DCC: variants seen among roughly 807,000 people sequenced by gnomAD.
DCC encodes the protein netrin receptor DCC.
DCC carries 58 observed loss-of-function variants against 172.5 expected under a neutral mutation model. The ratio of observed to expected loss-of-function variants is 0.34; its 90% CI spans 0.27 to 0.42. The LOEUF (loss-of-function observed/expected upper bound fraction) is 0.42. DCC is among the 10% of genes least tolerant of loss of function. The probability of loss-of-function intolerance (pLI) is 1.00; values close to 1 mark genes in which losing one functional copy is unlikely to be tolerated. For missense variants in DCC, 1,740 were observed against 1,791.0 expected, an observed-to-expected ratio of 0.97 and a Z score of 0.51; for synonymous variants, 709 against 644.5, an observed-to-expected ratio of 1.10 and a Z score of -1.52.
chr18:52,618,701 C>A (rs537075821), intron 1 of DCC, among the ~76,000 whole-genome samples: 1 of 152,264 alleles, frequency 6.6e-6, no homozygotes, highest in South Asian at 2.1e-4. Context: ...TGACACAATT[C>A]TTCAGCTGTA....
rs75657065 is a variant in DCC at position 52,719,431 on chromosome 18, G to A, written c.92-32623G>A. ...AGCGTTGAGTCCACTCTCAGGAAGG[G>A]TGAGGGCTCCGACGGGGAGGTTATC... On this transcript the variant is annotated intron_variant, in intron 1 of 28. Coordinates refer to ENST00000442544, the MANE Select transcript of DCC (RefSeq NM_005215.4). Among the ~76,000 whole-genome samples, 875 of 152,232 alleles carry A rather than the reference G, an allele frequency of 5.7e-3. 6 individuals are homozygous for A. The highest frequency in any genetic ancestry group is 0.02 in the African/African-American group (823 of 41,524).
intron 12 of DCC, among the ~76,000 whole-genome samples, chr18:53,277,459 C>G (rs895795203): frequency 3.3e-5 from 5 of 152,154 alleles, no homozygotes; most frequent in Non-Finnish European, 7.4e-5. Context: ...GTTACTACTG[C>G]TTCAACATTC....
In DCC at chr18:52,891,584, C is replaced by T. The variant is rs146688197; in HGVS notation, c.413-14460C>T. Among the ~76,000 whole-genome samples, 647 of 152,026 alleles carry T rather than the reference C, an allele frequency of 4.3e-3. 8 individuals carry two copies. The highest frequency in any genetic ancestry group is 0.014 in the African/African-American group (580 of 41,502). Reference sequence around the variant, plus strand: ...CTCTTACTCCTGTTTAATTTTTAACCATATCTCTTGCTCACATGTATTATA... The same window carrying T: ...CTCTTACTCCTGTTTAATTTTTAACTATATCTCTTGCTCACATGTATTATA... On this transcript the variant is annotated intron_variant, in intron 2 of 28. Transcript: ENST00000442544.
intron 1 of DCC, among the ~76,000 whole-genome samples, chr18:52,369,064 G>A (rs1363054180): frequency 6.6e-6 from 1 of 152,126 alleles, no homozygotes; most frequent in African/African-American, 2.4e-5. Flanking sequence ...AGGTTACAAA[G>A]GTGTTTCATG....
At chr18:52,604,550 A>T (rs966858780) in intron 1 of DCC, among the ~76,000 whole-genome samples, 1 of 152,186 alleles carries the variant, frequency 6.6e-6, no homozygotes. Flanking sequence ...GAAGGGAGGA[A>T]GGTTGCACCA....
intron 1 of DCC, among the ~76,000 whole-genome samples, chr18:52,524,038 A>G (rs567295978): frequency 5.3e-5 from 8 of 152,306 alleles, no homozygotes; most frequent in East Asian, 3.9e-4. Flanking sequence ...TCAGACGTAA[A>G]TGTGGGGTGT....
At chr18:53,479,816 CTAATATCT>C (rs1417952307) in intron 25 of DCC, among the ~76,000 whole-genome samples, 1 of 152,096 alleles carries the variant, frequency 6.6e-6, no homozygotes, top group Non-Finnish European at 1.5e-5. Flanking sequence ...TTCTTAATTC[CTAATATCT>C]TAGAGATTTC....
chr18:53,517,661 A>G (rs2046352845), intron 27 of DCC, among the ~76,000 whole-genome samples: 1 of 152,036 alleles, frequency 6.6e-6, no homozygotes, highest in African/African-American at 2.4e-5. Flanking sequence ...AGAAAGGAGC[A>G]GAGAGGGGAG....
At chr18:53,160,297 G>T (rs2054815551) in intron 8 of DCC, among the ~76,000 whole-genome samples, 3 of 152,156 alleles carry the variant, frequency 2.0e-5, no homozygotes, top group African/African-American at 4.8e-5. Context: ...TCACTCTCCA[G>T]ACTCTTGTCT....
At chr18:52,536,889 T>C (rs1177084467) in intron 1 of DCC, among the ~76,000 whole-genome samples, 2 of 152,240 alleles carry the variant, frequency 1.3e-5, no homozygotes, top group African/African-American at 2.4e-5. Flanking sequence ...TAAAGTTCTG[T>C]ATTGTGGCCA....
chr18:53,504,206 A>G (rs149228891), intron 27 of DCC, among the ~76,000 whole-genome samples: 1 of 152,256 alleles, frequency 6.6e-6, no homozygotes, highest in East Asian at 1.9e-4. Flanking sequence ...AATTACTATA[A>G]TGCCTTAATA....
chr18:52,938,002 A>G (rs1598949610), intron 5 of DCC, among the ~76,000 whole-genome samples: 11 of 152,052 alleles, frequency 7.2e-5, no homozygotes, highest in Admixed American at 7.2e-4. Context: ...GTTCAAGGCA[A>G]CTCCAGCTCA....
chr18:53,261,659 C>G (rs1568398609), intron 12 of DCC, among the ~76,000 whole-genome samples: 1 of 152,092 alleles, frequency 6.6e-6, no homozygotes, highest in Non-Finnish European at 1.5e-5. Context: ...CTACAGGTGC[C>G]TGCCATCATA....
chr18:52,955,503 A>G (rs1383249540), intron 5 of DCC, among the ~76,000 whole-genome samples: 5 of 152,114 alleles, frequency 3.3e-5, no homozygotes, highest in Non-Finnish European at 5.9e-5. Context: ...TAGAGTTTCT[A>G]TAAACAACTA....
chr18:52,393,563 A>G (rs1986109062), intron 1 of DCC, among the ~76,000 whole-genome samples: 1 of 152,120 alleles, frequency 6.6e-6, no homozygotes, highest in Non-Finnish European at 1.5e-5. Flanking sequence ...AACCACCTGC[A>G]TCAGTATCAC....
chr18:52,912,425 A>G (rs1295279122), intron 3 of DCC, among the ~76,000 whole-genome samples: 5 of 152,024 alleles, frequency 3.3e-5, no homozygotes, highest in Non-Finnish European at 5.9e-5. Flanking sequence ...TCTCATAAGT[A>G]TTAATTTGTC....
At chr18:53,049,993 T>C (rs909514160) in intron 5 of DCC, among the ~76,000 whole-genome samples, 1 of 152,050 alleles carries the variant, frequency 6.6e-6, no homozygotes, top group Non-Finnish European at 1.5e-5. Flanking sequence ...TAGCCTTCAG[T>C]CTGTGGCCAA....
chr18:52,832,700 T>G (rs1324026599), intron 2 of DCC, among the ~76,000 whole-genome samples: 1 of 152,138 alleles, frequency 6.6e-6, no homozygotes, highest in African/African-American at 2.4e-5. Flanking sequence ...ATGGAGAAAC[T>G]TGCCAAGAAT....
rs559771899 is a variant in DCC at position 53,091,904 on chromosome 18, A to G, written c.1261+25738A>G. The stretch of plus-strand genomic sequence containing the variant: ...ACATAAATATGTCTTTAAATTTGAT[A>G]TATTTATCTTTAAAATATTGAATTC... On this transcript the variant is annotated intron_variant, in intron 7 of 28. Coordinates refer to ENST00000442544, the MANE Select transcript of DCC (RefSeq NM_005215.4). 2.6e-5 allele frequency among the ~76,000 whole-genome samples: 4 copies of G among 151,918 alleles called. No individual in the cohort carries two copies. The East Asian group carries it at 7.7e-4, about 29-fold the overall frequency.
Sources: allele counts gnomAD v4.1 joint callset (sites outside exome capture counted in the v4.1 genomes callset), GRCh38; gene constraint gnomAD v4.1.1; transcripts MANE v1.5; gene names NCBI Gene and HGNC (gene_info 2026-07-23, HGNC 2026-07-21).